The following LRRC37A2 variants were observed in gnomAD, a reference collection of about 807,000 sequenced individuals.
LRRC37A2 encodes the protein leucine rich repeat containing 37 member A2.
LRRC37A2 carries 9 observed loss-of-function variants against 68.8 expected under a neutral mutation model. That is an observed-to-expected ratio of 0.13 (90% CI 0.08 to 0.23). The LOEUF is 0.23. Ranked by LOEUF, LRRC37A2 falls within the 10% of genes least tolerant of loss-of-function variation. LRRC37A2 has a pLI of 1.00. For synonymous variants in LRRC37A2, 63 were observed against 367.6 expected (o/e 0.17, Z 9.48); for missense variants, 168 against 950.4 (o/e 0.18, Z 10.82).
At chr17:47,013,341 C>G in the LRRC37A2 span, among the ~76,000 whole-genome samples, 139,212 of 152,266 alleles carry the variant, frequency 0.91, 64,049 homozygotes, top group East Asian at 0.99. Context: ...GGAATTAATT[C>G]TATGATACAT....
the LRRC37A2 span, among the ~76,000 whole-genome samples, chr17:46,888,930 G>A: frequency 5.3e-3 from 809 of 152,222 alleles, 8 homozygotes; most frequent in African/African-American, 0.019. Context: ...AGAAACTGAG[G>A]CATGCAAAGG....
chr17:46,913,909 G>A, the LRRC37A2 span, among the ~76,000 whole-genome samples: 1 of 152,044 alleles, frequency 6.6e-6, no homozygotes, highest in Non-Finnish European at 1.5e-5. Context: ...ACAGACATGT[G>A]CCACCATGCC....
chr17:46,828,893 C>CAG, the LRRC37A2 span, among the ~76,000 whole-genome samples: 31,388 of 151,794 alleles, frequency 0.21, 4,109 homozygotes, highest in East Asian at 0.36. Flanking sequence ...GCCCAAGAGG[C>CAG]AGAGGTTGCA....
At chr17:46,912,285 T>C in the LRRC37A2 span, among the ~76,000 whole-genome samples, 4 of 152,186 alleles carry the variant, frequency 2.6e-5, no homozygotes, top group African/African-American at 4.8e-5. Flanking sequence ...ATGGGAATCA[T>C]TTAGCAAGAG....
the LRRC37A2 span, among the ~76,000 whole-genome samples, chr17:46,917,789 T>A: frequency 2.0e-5 from 3 of 152,188 alleles, no homozygotes; most frequent in African/African-American, 7.2e-5. Flanking sequence ...GAAAGCTACA[T>A]AGGCCAATAC....
At chr17:46,740,609 TC>T in the LRRC37A2 span, among the ~76,000 whole-genome samples, 15 of 152,182 alleles carry the variant, frequency 9.9e-5, no homozygotes, top group African/African-American at 2.6e-4. Context: ...ACAGAACCCT[TC>T]CTTTAAGGTA....
the LRRC37A2 span, among the ~76,000 whole-genome samples, chr17:46,814,872 TAGGC>T: frequency 6.6e-6 from 1 of 152,136 alleles, no homozygotes; most frequent in Non-Finnish European, 1.5e-5. Context: ...AGGTAGGTCT[TAGGC>T]AGGTGCTCGA....
At chr17:46,773,630 A>AACCCCCC in the LRRC37A2 span, 1 of 149,018 alleles carries the variant, frequency 6.7e-6, no homozygotes, top group Non-Finnish European at 1.2e-5. Flanking sequence ...CCCTCCCCCC[A>AACCCCCC]CCCAGCCCCT....
At chr17:46,872,743 C>G in the LRRC37A2 span, 1 of 1,531,590 alleles carries the variant, frequency 6.5e-7, no homozygotes, top group Non-Finnish European at 8.8e-7. Flanking sequence ...GAACTGTAGC[C>G]TGGAGGGCAG....
the LRRC37A2 span, chr17:46,978,909 G>T: frequency 6.8e-7 from 1 of 1,476,434 alleles, no homozygotes; most frequent in Non-Finnish European, 8.9e-7. Flanking sequence ...CCAGCCACGT[G>T]CCCAGCCCGT....
At chr17:46,925,464 T>C in the LRRC37A2 span, among the ~76,000 whole-genome samples, 8 of 152,216 alleles carry the variant, frequency 5.3e-5, no homozygotes, top group Non-Finnish European at 5.9e-5. Context: ...CTATCTTTCC[T>C]CTCCAGTGCT....
At chr17:46,780,481 C>G in the LRRC37A2 span, among the ~76,000 whole-genome samples, 1 of 152,242 alleles carries the variant, frequency 6.6e-6, no homozygotes, top group African/African-American at 2.4e-5. Context: ...TGGTATACGC[C>G]CAAAAGAATT....
chr17:46,759,808 CTTCT>C, the LRRC37A2 span, among the ~76,000 whole-genome samples: 2 of 152,300 alleles, frequency 1.3e-5, no homozygotes, highest in South Asian at 2.1e-4. Context: ...CTTTCCTTCC[CTTCT>C]TTCTTCATAA....
chr17:46,913,984 C>A, the LRRC37A2 span, among the ~76,000 whole-genome samples: 1 of 152,076 alleles, frequency 6.6e-6, no homozygotes, highest in Non-Finnish European at 1.5e-5. Context: ...GTCGCAAACT[C>A]CTGACTTTGG....
chr17:46,851,443 C>T, the LRRC37A2 span: 1 of 296,814 alleles, frequency 3.4e-6, no homozygotes, highest in Non-Finnish European at 6.1e-6. The surrounding 1 kb of genome is among the most constrained non-coding windows in gnomAD (Gnocchi z 4.3). Flanking sequence ...CCACCCGCGA[C>T]GGGGCGGGGC....
At chr17:46,943,150 G>A in the LRRC37A2 span, among the ~76,000 whole-genome samples, 3 of 152,108 alleles carry the variant, frequency 2.0e-5, no homozygotes, top group Admixed American at 1.3e-4. Flanking sequence ...AGGCTAGCCC[G>A]TCCCCCATGC....
the LRRC37A2 span, among the ~76,000 whole-genome samples, chr17:46,792,444 G>A: frequency 5.9e-5 from 9 of 152,172 alleles, no homozygotes; most frequent in Non-Finnish European, 8.8e-5. Flanking sequence ...AAGGTAGTAA[G>A]GAGCCTATTC....
At chr17:46,965,882 T>C in the LRRC37A2 span, among the ~76,000 whole-genome samples, 1 of 151,856 alleles carries the variant, frequency 6.6e-6, no homozygotes, top group African/African-American at 2.4e-5. Context: ...CCTCTTGCCT[T>C]GGCCTCCCAA....
the LRRC37A2 span, among the ~76,000 whole-genome samples, chr17:46,983,289 CTTTTTTTTTTTTT>C: frequency 6.0e-4 from 46 of 76,848 alleles, no homozygotes; most frequent in African/African-American, 2.2e-3. Flanking sequence ...GCCCTTTCTT[CTTTTTTTTTTTTT>C]TTTTTTTTTT....
Sources: gnomAD v4.1 joint callset for allele counts (sites outside exome capture counted in the v4.1 genomes callset) on GRCh38, gnomAD v4.1.1 for gene constraint, Gnocchi (gnomAD v3.1) non-coding constraint, MANE v1.5 for transcripts, NCBI Gene and HGNC (gene_info 2026-07-23, HGNC 2026-07-21) for gene names.